FAM111B: variants seen among roughly 807,000 people sequenced by gnomAD.
FAM111B encodes the protein FAM111 trypsin like peptidase B.
FAM111B carries 1 observed loss-of-function variant against 2.8 expected under a neutral mutation model. The observed-to-expected ratio is 0.36, with a 90% CI of 0.13 to 1.70. FAM111B has a LOEUF of 1.70. Among genes scored for constraint, FAM111B ranks in the 40% most tolerant of loss-of-function variants. The pLI, the probability that FAM111B is intolerant of heterozygous loss-of-function variation, is 0.35. For synonymous variants in FAM111B, 297 were observed against 295.6 expected, an observed-to-expected ratio of 1.00 and a Z score of -0.05; for missense variants, 882 against 878.9, an observed-to-expected ratio of 1.00 and a Z score of -0.04.
chr11:59,110,425 G>A (rs1470741062), intron 3 of FAM111B, among the ~76,000 whole-genome samples: 3 of 152,116 alleles, frequency 2.0e-5, no homozygotes, highest in Non-Finnish European at 4.4e-5. Flanking sequence ...TAGTCAAGGG[G>A]TACAAAGTTT....
At chr11:59,113,982 A>G (rs185991163) in intron 3 of FAM111B, among the ~76,000 whole-genome samples, 1 of 152,360 alleles carries the variant, frequency 6.6e-6, no homozygotes, top group East Asian at 1.9e-4. Context: ...TGAACCTTAC[A>G]TTTTAAAGAG....
rs769431764 is a variant in FAM111B at position 59,125,230 on chromosome 11, T to G, written c.1133T>G (p.Leu378Arg). Residue 378 changes from leucine to arginine, a missense_variant, in exon 4 of 4, where the codon CTG (leucine) becomes CGG (arginine). Physicochemically the swap from Leu to Arg is moderately radical, Grantham distance 102 (BLOSUM62 -2). Transcript: ENST00000343597. ...PHLGRRYAIN[L>R]DVQKEAINLL... ...CTGGGTAGGCGGTATGCTATTAATCTGGATGTCCAAAAGGAGGCAATTAAT... is the reference window on the plus strand; with the variant it reads ...CTGGGTAGGCGGTATGCTATTAATCGGGATGTCCAAAAGGAGGCAATTAAT... 1.2e-6 allele frequency: 2 copies of G among 1,613,940 alleles called. No homozygotes were observed.
chr11:59,119,267 G>C (rs1378060544), intron 3 of FAM111B, among the ~76,000 whole-genome samples: 1 of 152,110 alleles, frequency 6.6e-6, no homozygotes, highest in African/African-American at 2.4e-5. Context: ...CCAGAACTTG[G>C]TTCCTTTTCC....
intron 3 of FAM111B, among the ~76,000 whole-genome samples, chr11:59,121,461 A>G (rs1205747568): frequency 6.6e-6 from 1 of 152,194 alleles, no homozygotes; most frequent in Admixed American, 6.5e-5. Context: ...TTTGATAAAG[A>G]CATAGAATAA....
At chr11:59,123,411 G>A (rs1859953729) in intron 3 of FAM111B, among the ~76,000 whole-genome samples, 1 of 152,126 alleles carries the variant, frequency 6.6e-6, no homozygotes, top group Non-Finnish European at 1.5e-5. Context: ...GAGAAGAGAT[G>A]GGGTGAGTTG....
At chr11:59,108,034 A>T (rs1362939927) in intron 1 of FAM111B, among the ~76,000 whole-genome samples, 1 of 152,178 alleles carries the variant, frequency 6.6e-6, no homozygotes, top group Non-Finnish European at 1.5e-5. Flanking sequence ...CTGTTCAAAG[A>T]ACTTGGTGCG....
chr11:59,120,446 T>C (rs1183314150), intron 3 of FAM111B, among the ~76,000 whole-genome samples: 1 of 152,178 alleles, frequency 6.6e-6, no homozygotes, highest in Non-Finnish European at 1.5e-5. Context: ...ACATAATGTA[T>C]TTTCTTAGAA....
intron 3 of FAM111B, among the ~76,000 whole-genome samples, chr11:59,115,575 CAG>C (rs1859826207): frequency 6.6e-6 from 1 of 152,194 alleles, no homozygotes; most frequent in Non-Finnish European, 1.5e-5. Flanking sequence ...GAGAGTTCTC[CAG>C]ATGGCTCCCC....
intron 3 of FAM111B, among the ~76,000 whole-genome samples, chr11:59,118,592 A>G (rs898996260): frequency 6.6e-5 from 10 of 152,208 alleles, no homozygotes; most frequent in Admixed American, 4.6e-4. Flanking sequence ...TTCCATCACA[A>G]TGGTGAAGAG....
In FAM111B at chr11:59,126,328, T is replaced by TA; in HGVS notation, c.*27dup. On this transcript the variant is annotated 3_prime_UTR_variant, in exon 4 of 4. Coordinates refer to ENST00000343597, the MANE Select transcript of FAM111B (RefSeq NM_198947.4). ...AAAAGAGATGCTGTCTTCAAGAAAA[T>TA]ATGCCAATAATTCCTGGCAAAGATT... 1 of 1,471,302 alleles carries TA rather than the reference T, an allele frequency of 6.8e-7. No individual in the cohort carries two copies. Among genetic ancestry groups the TA allele is most frequent in the East Asian group, 2.3e-5 (1 of 43,176 alleles). The allele number at this position is 1,471,302 out of a possible 1,614,324, so 91.1% of individuals were successfully genotyped here.
At chr11:59,108,616 C>G (rs1398622055) in intron 1 of FAM111B, 52 bp from the exon 2 acceptor site, 1 of 152,662 alleles carries the variant, frequency 6.6e-6, no homozygotes, top group Non-Finnish European at 1.5e-5. Context: ...TCCTTGCAAA[C>G]CATTGTTTCA....
intron 3 of FAM111B, among the ~76,000 whole-genome samples, chr11:59,117,212 T>C (rs1452941429): frequency 1.3e-5 from 2 of 152,182 alleles, no homozygotes; most frequent in Non-Finnish European, 2.9e-5. Flanking sequence ...CACTACCACA[T>C]ACTTTCCCAC....
intron 3 of FAM111B, among the ~76,000 whole-genome samples, chr11:59,118,312 G>A (rs1456599434): frequency 1.3e-5 from 2 of 152,120 alleles, no homozygotes. Flanking sequence ...CAGACCTGGG[G>A]CATCCCTCTT....
chr11:59,107,516 G>A (rs1049297435), intron 1 of FAM111B, among the ~76,000 whole-genome samples: 7 of 152,290 alleles, frequency 4.6e-5, no homozygotes, highest in African/African-American at 1.4e-4. Context: ...CCTGAATCTC[G>A]AGAGGGTCGT....
chr11:59,119,641 CATAAAT>C (rs1161054720), intron 3 of FAM111B, among the ~76,000 whole-genome samples: 1 of 152,034 alleles, frequency 6.6e-6, no homozygotes, highest in Non-Finnish European at 1.5e-5. Context: ...CTATCAAATA[CATAAAT>C]ATAAACATAC....
intron 3 of FAM111B, among the ~76,000 whole-genome samples, chr11:59,119,468 C>T (rs1859888300): frequency 6.6e-6 from 1 of 152,166 alleles, no homozygotes; most frequent in Non-Finnish European, 1.5e-5. Context: ...GTCCATTTCT[C>T]CAGGATTTTC....
chr11:59,125,712 T>G lies in FAM111B; in HGVS notation c.1615T>G (p.Ser539Ala). The G allele has an allele frequency of 6.2e-7, 1 of 1,613,804 alleles. No homozygotes were observed. The highest frequency in any genetic ancestry group is 8.5e-7 in the Non-Finnish European group (1 of 1,179,794). The change falls in exon 4 of 4, where the codon TCC (serine) becomes GCC (alanine). Residue 539 changes from serine (S) to alanine (A), a missense_variant. Ser to Ala is a moderately conservative substitution (Grantham distance 99). Coordinates refer to ENST00000343597, the MANE Select transcript of FAM111B (RefSeq NM_198947.4). ...WFSIEPWLKVSNENLDYAILK... is the reference protein window; with the variant it reads ...WFSIEPWLKVANENLDYAILK... ...TTCCATTGAGCCATGGCTTAAAGTGTCCAATGAAAATCTAGATTATGCCAT... is the reference window on the plus strand; with the variant it reads ...TTCCATTGAGCCATGGCTTAAAGTGGCCAATGAAAATCTAGATTATGCCAT...
At position 59,126,056 on chromosome 11, in the gene FAM111B, A is replaced by G; in HGVS notation, c.1959A>G (p.Pro653=). The change falls in exon 4 of 4, where the codon CCA becomes CCG. Residue 653 remains proline, a synonymous_variant. Transcript: ENST00000343597. Reference sequence around the variant, plus strand: ...TCTCTGATGGGTCCTCAGGCTCCCCAGTGTTTAATGCATCTGGCAAATTGG... The same window carrying G: ...TCTCTGATGGGTCCTCAGGCTCCCCGGTGTTTAATGCATCTGGCAAATTGG... ...TCFSDGSSGS[P]VFNASGKLVA... 3 of 1,613,912 alleles carry G rather than the reference A, an allele frequency of 1.9e-6. No individual in the cohort carries two copies. Among genetic ancestry groups the G allele is most frequent in the South Asian group, 1.1e-5 (1 of 91,070 alleles).
Position 59,126,432 on chromosome 11 carries a change from A to T in FAM111B, c.*130A>T, listed in dbSNP as rs960809885. 1 of 670,634 alleles carries T rather than the reference A, an allele frequency of 1.5e-6. No homozygotes were observed. Among genetic ancestry groups the T allele is most frequent in the South Asian group, 2.8e-5 (1 of 36,168 alleles). 41.5% of individuals were successfully genotyped at this position (670,634 alleles called of 1,614,324 possible). On this transcript the variant is annotated 3_prime_UTR_variant, in exon 4 of 4. Transcript: ENST00000343597. Reference sequence around the variant, plus strand: ...GACCTAATTAAATCTTCTGCACAGCAAAAGAAACTATCAACAGGGTAAACA... The same window carrying T: ...GACCTAATTAAATCTTCTGCACAGCTAAAGAAACTATCAACAGGGTAAACA...
Sources: allele counts gnomAD v4.1 joint callset (sites outside exome capture counted in the v4.1 genomes callset), GRCh38; gene constraint gnomAD v4.1.1; transcripts MANE v1.5; gene names NCBI Gene and HGNC (gene_info 2026-07-23, HGNC 2026-07-21).